SLC12A2: variants seen among roughly 807,000 people sequenced by gnomAD.
The protein encoded by SLC12A2 is solute carrier family 12 member 2, also known as Na-K-2Cl cotransporter 1.
In SLC12A2, 67 loss-of-function variants were observed where a neutral mutation model predicts 136.3. That is an observed-to-expected ratio of 0.49 (90% CI 0.40 to 0.60). The LOEUF (loss-of-function observed/expected upper bound fraction) is 0.60. Among genes scored for constraint, SLC12A2 ranks in the 20% least tolerant of loss-of-function variants. The pLI, the probability that SLC12A2 is intolerant of heterozygous loss-of-function variation, is 0.00. For missense variants in SLC12A2, 1,322 were observed against 1,534.7 expected (o/e 0.86, Z 2.32); for synonymous variants, 619 against 562.9 (o/e 1.10, Z -1.41).
chr5:128,100,074 G>T (rs906668108), intron 1 of SLC12A2, among the ~76,000 whole-genome samples: 11 of 152,092 alleles, frequency 7.2e-5, no homozygotes, highest in African/African-American at 2.7e-4. Context: ...AGCTTAGTAG[G>T]TTTGTTTATT....
chr5:128,111,086 TAA>T (rs1761126896), intron 1 of SLC12A2: 1 of 531,258 alleles, frequency 1.9e-6, no homozygotes, highest in Non-Finnish European at 3.5e-6. Context: ...ATGGACAATA[TAA>T]AATCTGTGTG....
chr5:128,156,890 A>G (rs760495266), intron 15 of SLC12A2, among the ~76,000 whole-genome samples: 13 of 152,158 alleles, frequency 8.5e-5, no homozygotes, highest in East Asian at 1.9e-4. Flanking sequence ...CTTATGGGCT[A>G]TAAGTTAGTC....
rs1180137949 is a variant in SLC12A2 at position 128,154,056 on chromosome 5, TA to T, written c.2363+1262del. Among the ~76,000 whole-genome samples the T allele has an allele frequency of 3.1e-3, 367 of 118,016 alleles. 1 individual carries two copies. Among genetic ancestry groups the T allele is most frequent in the African/African-American group, 0.012 (324 of 26,388 alleles). The allele number at this position is 118,016 out of a possible 152,430, so 77.4% of individuals were successfully genotyped here. A position where few individuals can be genotyped will look rare whatever the true frequency, so the allele number is the denominator to read the frequency against. On this transcript the variant is annotated intron_variant, in intron 15 of 26. Transcript: ENST00000262461. The stretch of plus-strand genomic sequence containing the variant: ...AAGCCTATGTTTATTTGCCGTCAAT[TA>T]AAAAAAAAAACAAAAAAAAAAAACC...
intron 17 of SLC12A2, among the ~76,000 whole-genome samples, chr5:128,163,711 G>A (rs1763115401): frequency 6.6e-6 from 1 of 151,996 alleles, no homozygotes; most frequent in South Asian, 2.1e-4. Flanking sequence ...AGGAAAAATA[G>A]CAAGTTTTAA....
In SLC12A2 at chr5:128,138,616, C is replaced by T; in HGVS notation, c.1428C>T (p.Asn476=). The T allele has an allele frequency of 6.2e-7, 1 of 1,610,188 alleles. No individual in the cohort carries two copies. Among genetic ancestry groups the T allele is most frequent in the South Asian group, 1.1e-5 (1 of 90,002 alleles). ...CTGCAGCTGAAATATTTAATGAGAA[C>T]TTTGGGCCCGATTTTCGAGAGGAAG... The part of the protein sequence containing the change: ...FGYKSEIFNE[N]FGPDFREEET... Residue 476 remains asparagine, a synonymous_variant, in exon 8 of 27, where the codon AAC becomes AAT. Coordinates refer to ENST00000262461, the MANE Select transcript of SLC12A2 (RefSeq NM_001046.3).
At chr5:128,165,509 C>G (rs973866410) in intron 17 of SLC12A2, among the ~76,000 whole-genome samples, 10 of 152,118 alleles carry the variant, frequency 6.6e-5, no homozygotes, top group African/African-American at 2.4e-4. Context: ...GAACTCATTT[C>G]CGATCACTTA....
intron 1 of SLC12A2, among the ~76,000 whole-genome samples, chr5:128,102,096 T>C (rs992117020): frequency 6.6e-6 from 1 of 152,308 alleles, no homozygotes; most frequent in East Asian, 1.9e-4. Flanking sequence ...GTTGCAATAG[T>C]AGATCACTTA....
intron 15 of SLC12A2, among the ~76,000 whole-genome samples, chr5:128,155,355 G>A (rs1215604695): frequency 6.6e-6 from 1 of 151,954 alleles, no homozygotes; most frequent in African/African-American, 2.4e-5. Context: ...TTTCATCTAC[G>A]TATGCCTACC....
chr5:128,169,182 C>T (rs932893439), intron 18 of SLC12A2: 3 of 152,064 alleles, frequency 2.0e-5, no homozygotes, highest in South Asian at 2.1e-4. Flanking sequence ...TTTTCTCATC[C>T]TAAGCACTGA....
intron 19 of SLC12A2, 49 bp from the exon 20 acceptor site, chr5:128,174,492 C>A: frequency 7.2e-7 from 1 of 1,384,102 alleles, no homozygotes; most frequent in East Asian, 2.5e-5. Context: ...CCTTATTTAA[C>A]AGTTAAAATA....
chr5:128,086,200 G>GTA (rs1283325957), intron 1 of SLC12A2, among the ~76,000 whole-genome samples: 2 of 152,184 alleles, frequency 1.3e-5, no homozygotes, highest in Admixed American at 6.5e-5. Context: ...CAATTGAAAG[G>GTA]TATATATGTT....
intron 17 of SLC12A2, among the ~76,000 whole-genome samples, chr5:128,165,910 C>G (rs1457903970): frequency 2.4e-5 from 1 of 41,894 alleles, no homozygotes; most frequent in Non-Finnish European, 4.7e-5. Context: ...TCTTGGTTTT[C>G]TTTTACCTCC....
At chr5:128,128,353 A>G (rs910852110) in intron 4 of SLC12A2, among the ~76,000 whole-genome samples, 1 of 152,196 alleles carries the variant, frequency 6.6e-6, no homozygotes, top group Non-Finnish European at 1.5e-5. Context: ...ACTACTTAGT[A>G]TCTCTGGCAT....
chr5:128,151,744 C>T (rs565120426), intron 14 of SLC12A2, among the ~76,000 whole-genome samples: 26 of 152,188 alleles, frequency 1.7e-4, no homozygotes, highest in African/African-American at 6.3e-4. Context: ...AGTTACAGTA[C>T]TGTAGTAGCT....
chr5:128,157,155 A>C (rs564142371), intron 15 of SLC12A2, among the ~76,000 whole-genome samples: 1 of 152,310 alleles, frequency 6.6e-6, no homozygotes, highest in South Asian at 2.1e-4. Context: ...TAAGTCGGAA[A>C]TTGTAGTCTG....
intron 20 of SLC12A2, among the ~76,000 whole-genome samples, chr5:128,175,571 AG>A (rs144848682): frequency 0.017 from 2,647 of 151,964 alleles, 66 homozygotes; most frequent in African/African-American, 0.057. Context: ...GGGAATTAAT[AG>A]GTGAAGTTTA....
At chr5:128,182,561 T>C (rs1041918154) in intron 23 of SLC12A2, among the ~76,000 whole-genome samples, 1 of 152,092 alleles carries the variant, frequency 6.6e-6, no homozygotes, top group Non-Finnish European at 1.5e-5. Flanking sequence ...TTGACTAAAA[T>C]TAACTTAAGA....
At chr5:128,159,464 G>C (rs768546875) in intron 16 of SLC12A2, among the ~76,000 whole-genome samples, 2 of 152,106 alleles carry the variant, frequency 1.3e-5, no homozygotes, top group African/African-American at 2.4e-5. Context: ...AGAGTGAACA[G>C]GCAACCTACA....
At chr5:128,110,392 A>G in intron 1 of SLC12A2, 1 of 1,018,796 alleles carries the variant, frequency 9.8e-7, no homozygotes, top group Non-Finnish European at 1.6e-6. Context: ...GAAAGCAAAA[A>G]CTCCACAGCT....
Sources: gnomAD v4.1 joint callset for allele counts (sites outside exome capture counted in the v4.1 genomes callset) on GRCh38, gnomAD v4.1.1 for gene constraint, MANE v1.5 for transcripts, NCBI Gene and HGNC (gene_info 2026-07-23, HGNC 2026-07-21) for gene names.